The following ARSB variants were observed in gnomAD, a reference collection of about 807,000 sequenced individuals.
ARSB encodes the protein arylsulfatase B, also known as N-acetylgalactosamine-4-sulfatase.
Under a neutral mutation model 50.9 loss-of-function variants are expected in ARSB, and 41 were observed. The ratio of observed to expected loss-of-function variants is 0.81; its 90% CI spans 0.63 to 1.04. ARSB has a LOEUF of 1.04. ARSB is among the 50% of genes least tolerant of loss of function. The probability of loss-of-function intolerance (pLI) is 0.00; values close to 1 mark genes in which losing one functional copy is unlikely to be tolerated. For missense variants in ARSB, 672 were observed against 693.3 expected, an observed-to-expected ratio of 0.97 and a Z score of 0.35; for synonymous variants, 269 against 284.8, an observed-to-expected ratio of 0.94 and a Z score of 0.56.
At chr5:78,950,405 GACAGCCTGAGAAGGGATGGC>G (rs1485282860) in intron 4 of ARSB, among the ~76,000 whole-genome samples, 1 of 152,140 alleles carries the variant, frequency 6.6e-6, no homozygotes, top group East Asian at 1.9e-4. Flanking sequence ...GAGGCAGGAA[GACAGCCTGAGAAGGGATGGC>G]ACTAATTTAA....
chr5:78,952,022 C>A (rs377125696), intron 4 of ARSB, among the ~76,000 whole-genome samples: 1 of 152,088 alleles, frequency 6.6e-6, no homozygotes, highest in Non-Finnish European at 1.5e-5. Context: ...TACATAGGCA[C>A]GGTCAAGTTG....
chr5:78,801,948 T>C (rs937172224), intron 6 of ARSB, among the ~76,000 whole-genome samples: 2 of 152,148 alleles, frequency 1.3e-5, no homozygotes, highest in Non-Finnish European at 2.9e-5. Flanking sequence ...AGTTTTGGTT[T>C]GTTCCAGCAG....
chr5:78,779,903 G>T lies in ARSB; in HGVS notation c.*494C>A, dbSNP rs2112616398. 5.2e-6 allele frequency: 1 copy of T among 191,488 alleles called. No individual in the cohort carries two copies. The highest frequency in any genetic ancestry group is 1.1e-5 in the Non-Finnish European group (1 of 92,030). The allele number at this position is 191,488 out of a possible 1,614,324, so 11.9% of individuals were successfully genotyped here. ...TAAGTGAGTAAGGGGTGAACCAAGA[G>T]GGGTGGTTCACTTGGAGTGCCTGAA... On this transcript the variant is annotated 3_prime_UTR_variant, in exon 8 of 8. Transcript: ENST00000264914.
intron 6 of ARSB, among the ~76,000 whole-genome samples, chr5:78,790,092 T>C (rs1371649695): frequency 6.6e-6 from 1 of 152,126 alleles, no homozygotes; most frequent in Non-Finnish European, 1.5e-5. Context: ...GATTGGAGAA[T>C]GGGGCTTAGG....
intron 1 of ARSB, among the ~76,000 whole-genome samples, chr5:78,977,480 T>A (rs1752719648): frequency 1.3e-5 from 2 of 152,112 alleles, no homozygotes; most frequent in Non-Finnish European, 2.9e-5. Flanking sequence ...ACTTCCCTCT[T>A]GGTTACTCCT....
chr5:78,985,321 G>T, upstream of ARSB: 1 of 1,210,508 alleles, frequency 8.3e-7, no homozygotes, highest in Non-Finnish European at 1.0e-6. Context: ...GAGGAACTGG[G>T]CTGCCGGGGC....
Position 78,900,963 on chromosome 5 carries a change from C to T in ARSB, c.899-15136G>A, listed in dbSNP as rs375156870. ...CTGAGGCAGGAGAATGGTGTGAACC[C>T]GGGACCTGGGAGGCAGAGCTTGCAG... On this transcript the variant is annotated intron_variant, in intron 4 of 7. Transcript: ENST00000264914. Among the ~76,000 whole-genome samples, 19 of 148,514 alleles carry T rather than the reference C, an allele frequency of 1.3e-4. No individual in the cohort carries two copies. In the East Asian group the frequency reaches 1.8e-3, roughly 14 times the overall value.
intron 4 of ARSB, among the ~76,000 whole-genome samples, chr5:78,941,450 C>T (rs1470656739): frequency 1.3e-5 from 2 of 152,284 alleles, no homozygotes; most frequent in Non-Finnish European, 2.9e-5. Flanking sequence ...TTTTGAGATA[C>T]GTCCCATCAA....
intron 4 of ARSB, among the ~76,000 whole-genome samples, chr5:78,906,694 C>A (rs940126446): frequency 4.6e-5 from 7 of 152,062 alleles, no homozygotes; most frequent in African/African-American, 1.7e-4. Context: ...ACTTTAGCAC[C>A]AACCTAAGTA....
chr5:78,949,727 T>C (rs57568807), intron 4 of ARSB, among the ~76,000 whole-genome samples: 1 of 152,086 alleles, frequency 6.6e-6, no homozygotes, highest in Non-Finnish European at 1.5e-5. Flanking sequence ...CTGGCCAACA[T>C]GGCGAAACCT....
intron 4 of ARSB, among the ~76,000 whole-genome samples, chr5:78,919,712 C>T (rs1749712276): frequency 6.6e-6 from 1 of 152,026 alleles, no homozygotes; most frequent in Non-Finnish European, 1.5e-5. Flanking sequence ...AGGCTGGTCT[C>T]GAACTCCTGA....
At chr5:78,863,520 C>T (rs1454721998) in intron 5 of ARSB, among the ~76,000 whole-genome samples, 1 of 149,970 alleles carries the variant, frequency 6.7e-6, no homozygotes, top group Non-Finnish European at 1.5e-5. Flanking sequence ...GAAAACCAAA[C>T]ACTGCATGTT....
chr5:78,829,861 CTCTT>C (rs1744593726), intron 6 of ARSB, among the ~76,000 whole-genome samples: 1 of 152,124 alleles, frequency 6.6e-6, no homozygotes, highest in Non-Finnish European at 1.5e-5. Context: ...TTATGGTAGA[CTCTT>C]TCAAGAAAGA....
upstream of ARSB, chr5:78,985,353 C>G: frequency 8.9e-7 from 1 of 1,120,554 alleles, no homozygotes; most frequent in Non-Finnish European, 1.1e-6. Flanking sequence ...CGGCGCGGGA[C>G]GGCACCCCCA....
rs1160145148 is a variant in ARSB, at chr5:78,985,027, C to T, written c.222G>A (p.Ala74=). 3 of 1,541,168 alleles carry T rather than the reference C, an allele frequency of 1.9e-6. No homozygotes were observed. The part of the protein sequence containing the change: ...GSRIRTPHLD[A]LAAGGVLLDN... ...CCAGGAGCACCCCGCCGGCCGCCAGCGCGTCCAGGTGCGGCGTGCGGATGC... is the reference window on the plus strand; with the variant it reads ...CCAGGAGCACCCCGCCGGCCGCCAGTGCGTCCAGGTGCGGCGTGCGGATGC... The change falls in exon 1 of 8, where the codon GCG becomes GCA. Residue 74 remains alanine (A), a synonymous_variant. Transcript: ENST00000264914.
intron 4 of ARSB, among the ~76,000 whole-genome samples, chr5:78,911,342 C>T (rs1329857961): frequency 1.3e-5 from 2 of 151,918 alleles, no homozygotes; most frequent in Non-Finnish European, 2.9e-5. Flanking sequence ...GGGAGGCCAA[C>T]GCAGATGGAT....
intron 4 of ARSB, among the ~76,000 whole-genome samples, chr5:78,910,858 G>A (rs1478817377): frequency 6.6e-6 from 1 of 152,174 alleles, no homozygotes; most frequent in African/African-American, 2.4e-5. Context: ...GGTCCAGAAA[G>A]GGGCCTGAGA....
chr5:78,976,774 G>A (rs1561537528), intron 1 of ARSB, among the ~76,000 whole-genome samples: 1 of 152,102 alleles, frequency 6.6e-6, no homozygotes, highest in Non-Finnish European at 1.5e-5. Context: ...TAGCCTCAAT[G>A]TCACCTTACT....
chr5:78,792,845 C>T (rs1743021091), intron 6 of ARSB, among the ~76,000 whole-genome samples: 1 of 152,198 alleles, frequency 6.6e-6, no homozygotes, highest in Non-Finnish European at 1.5e-5. Context: ...TGACCAACTG[C>T]TCAACCCTCT....
Sources: allele counts gnomAD v4.1 joint callset (sites outside exome capture counted in the v4.1 genomes callset), GRCh38; gene constraint gnomAD v4.1.1; transcripts MANE v1.5; gene names NCBI Gene and HGNC (gene_info 2026-07-23, HGNC 2026-07-21).